Variants in MBNL2 observed in about 807,000 individuals in gnomAD.
MBNL2 encodes muscleblind like splicing regulator 2, also known as muscleblind-like protein 2.
In MBNL2, 17 loss-of-function variants were observed where a neutral mutation model predicts 41.9. That is an observed-to-expected ratio of 0.41 (90% CI 0.28 to 0.61). The LOEUF is 0.61. Among genes scored for constraint, MBNL2 ranks in the 20% least tolerant of loss-of-function variants. The pLI, the probability that MBNL2 is intolerant of heterozygous loss-of-function variation, is 0.35. For synonymous variants in MBNL2, 195 were observed against 182.9 expected, an observed-to-expected ratio of 1.07 and a Z score of -0.53; for missense variants, 336 against 505.6, an observed-to-expected ratio of 0.66 and a Z score of 3.22.
intron 2 of MBNL2, among the ~76,000 whole-genome samples, chr13:97,285,391 G>T (rs772394674): frequency 6.6e-6 from 1 of 152,194 alleles, no homozygotes. Flanking sequence ...TTGGAGAGAC[G>T]CAGGAATTGC....
At chr13:97,305,153 T>C (rs2058013771) in intron 2 of MBNL2, among the ~76,000 whole-genome samples, 1 of 152,256 alleles carries the variant, frequency 6.6e-6, no homozygotes, top group African/African-American at 2.4e-5. Flanking sequence ...AGTTAGCATC[T>C]TGACTTGACT....
the MBNL2 span, among the ~76,000 whole-genome samples, chr13:97,159,190 T>G: frequency 6.6e-6 from 1 of 151,994 alleles, no homozygotes; most frequent in Admixed American, 6.5e-5. Flanking sequence ...TGGTTTAAAG[T>G]CTGTTTTATC....
intron 2 of MBNL2, among the ~76,000 whole-genome samples, chr13:97,287,721 C>CTTTTTTTTTTTTTTTTTTT (rs768809008): frequency 1.7e-5 from 2 of 114,938 alleles, no homozygotes; most frequent in African/African-American, 4.5e-5. Flanking sequence ...CTTTTCTTTT[C>CTTTTTTTTTTTTTTTTTTT]TTTTTTTTTT....
the MBNL2 span, among the ~76,000 whole-genome samples, chr13:97,210,633 C>G: frequency 1.7e-5 from 2 of 114,522 alleles, no homozygotes; most frequent in Middle Eastern, 0.01. Context: ...CACACTGTTG[C>G]CCAGGCTGGA....
At chr13:97,288,318 TAAGA>T (rs1224388133) in intron 2 of MBNL2, among the ~76,000 whole-genome samples, 1 of 152,184 alleles carries the variant, frequency 6.6e-6, no homozygotes, top group Non-Finnish European at 1.5e-5. Context: ...AGTTTTGTCA[TAAGA>T]AAGTCACTGT....
the MBNL2 span, among the ~76,000 whole-genome samples, chr13:97,205,290 C>T: frequency 6.7e-6 from 1 of 150,034 alleles, no homozygotes; most frequent in Non-Finnish European, 1.5e-5. Context: ...ACTCAGAAGG[C>T]TGAGGCACAA....
intron 2 of MBNL2, among the ~76,000 whole-genome samples, chr13:97,289,442 A>G (rs1048073463): frequency 2.6e-5 from 4 of 152,158 alleles, no homozygotes; most frequent in African/African-American, 7.2e-5. Flanking sequence ...CATTTAAATC[A>G]TATGGCCTTT....
chr13:97,243,273 C>T (rs988108652), intron 1 of MBNL2, among the ~76,000 whole-genome samples: 13 of 152,198 alleles, frequency 8.5e-5, no homozygotes, highest in African/African-American at 2.9e-4. Context: ...TTATGGACTG[C>T]TCCTGACGGC....
intron 8 of MBNL2, among the ~76,000 whole-genome samples, chr13:97,388,438 C>T (rs2066116782): frequency 6.6e-6 from 1 of 151,818 alleles, no homozygotes; most frequent in Non-Finnish European, 1.5e-5. Context: ...GCTAAATCAA[C>T]ATATAATCTG....
chr13:97,194,183 G>T, the MBNL2 span, among the ~76,000 whole-genome samples: 1 of 152,120 alleles, frequency 6.6e-6, no homozygotes, highest in East Asian at 1.9e-4. Flanking sequence ...ATAACAAATT[G>T]TACTTACTTT....
Position 97,356,130 on chromosome 13 carries a change from C to T in MBNL2, c.805-666C>T, listed in dbSNP as rs567702421. On this transcript the variant is annotated intron_variant, in intron 5 of 8. Coordinates refer to ENST00000679496, the MANE Select transcript of MBNL2 (RefSeq NM_001382683.1). ...GAACTTTAGTCCACATTACAAGACT[C>T]GCACTAGCAGAGTGAAGACAAGAAT... Among the ~76,000 whole-genome samples, 33 of 152,266 alleles carry T rather than the reference C, an allele frequency of 2.2e-4. No homozygotes were observed. The East Asian group carries it at 5.2e-3, about 24-fold the overall frequency.
chr13:97,295,408 G>T (rs2056856149), intron 2 of MBNL2, among the ~76,000 whole-genome samples: 1 of 152,004 alleles, frequency 6.6e-6, no homozygotes, highest in Non-Finnish European at 1.5e-5. Flanking sequence ...CTTAGCAATA[G>T]AAGTTTTCCC....
rs995552100 is a variant in MBNL2 at position 97,394,024 on chromosome 13, C to T, written c.*2575C>T. ...CTCATTCATTACCTTACAGTGTAAA[C>T]AGGAGTCTAATTTGTATCAATACTA... On this transcript the variant is annotated 3_prime_UTR_variant, in exon 9 of 9. Coordinates refer to ENST00000679496, the MANE Select transcript of MBNL2 (RefSeq NM_001382683.1). 3 of 152,532 alleles carry T rather than the reference C, an allele frequency of 2.0e-5. No individual in the cohort carries two copies. Among genetic ancestry groups the T allele is most frequent in the African/African-American group, 7.2e-5 (3 of 41,434 alleles). The allele number at this position is 152,532 out of a possible 1,614,324, so 9.4% of individuals were successfully genotyped here. A position where few individuals can be genotyped will look rare whatever the true frequency, so the allele number is the denominator to read the frequency against.
At chr13:97,353,182 G>A (rs2062661874) in intron 5 of MBNL2, among the ~76,000 whole-genome samples, 1 of 152,186 alleles carries the variant, frequency 6.6e-6, no homozygotes, top group African/African-American at 2.4e-5. Context: ...GTTCTGATAA[G>A]TCAGAGGATC....
chr13:97,150,603 A>T, the MBNL2 span, among the ~76,000 whole-genome samples: 1 of 152,226 alleles, frequency 6.6e-6, no homozygotes, highest in East Asian at 1.9e-4. Context: ...TTTTCACTCA[A>T]TGCGGTTCTC....
At position 97,291,900 on chromosome 13, in the gene MBNL2, C is replaced by CAAAA. The variant is rs763407208; in HGVS notation, c.174+15505_174+15508dup. 7.4e-4 allele frequency among the ~76,000 whole-genome samples: 28 copies of CAAAA among 37,818 alleles called. 3 individuals are homozygous for CAAAA. In the South Asian group the frequency reaches 0.013, roughly 17 times the overall value. The allele number at this position is 37,818 out of a possible 152,430, so 24.8% of individuals were successfully genotyped here. On this transcript the variant is annotated intron_variant, in intron 2 of 8. Transcript: ENST00000679496. ...ACAGAGCGAGACTCCGTCTCCGTCT[C>CAAAA]AAAAAAAAAAAAAAAAAGTGGGCTG...
At chr13:97,277,652 C>T (rs1283567356) in intron 2 of MBNL2, among the ~76,000 whole-genome samples, 5 of 152,124 alleles carry the variant, frequency 3.3e-5, no homozygotes, top group African/African-American at 1.2e-4. Flanking sequence ...ACACTCAAAG[C>T]AGGAAAATGT....
intron 8 of MBNL2, among the ~76,000 whole-genome samples, chr13:97,384,718 T>C (rs2065786972): frequency 6.6e-6 from 1 of 152,212 alleles, no homozygotes; most frequent in African/African-American, 2.4e-5. Context: ...TAATTGCCTA[T>C]TTTTAAATTA....
the MBNL2 span, among the ~76,000 whole-genome samples, chr13:97,168,241 G>A: frequency 1.3e-5 from 2 of 152,136 alleles, no homozygotes; most frequent in Admixed American, 1.3e-4. Flanking sequence ...TGGGATTACA[G>A]GTGTGAGCCA....
Sources: allele counts gnomAD v4.1 joint callset (sites outside exome capture counted in the v4.1 genomes callset), GRCh38; gene constraint gnomAD v4.1.1; transcripts MANE v1.5; gene names NCBI Gene and HGNC (gene_info 2026-07-23, HGNC 2026-07-21).